PPARG: variants seen among roughly 807,000 people sequenced by gnomAD.
PPARG encodes the protein peroxisome proliferator-activated receptor gamma.
Under a neutral mutation model 39.2 loss-of-function variants are expected in PPARG, and 17 were observed. The ratio of observed to expected loss-of-function variants is 0.43; its 90% confidence interval spans 0.30 to 0.65. The LOEUF is 0.65. PPARG is among the 30% of genes least tolerant of loss of function. The pLI is 0.13. For missense variants in PPARG, 406 were observed against 585.9 expected (o/e 0.69, Z 3.17); for synonymous variants, 223 against 215.7 (o/e 1.03, Z -0.30).
intron 4 of PPARG, among the ~76,000 whole-genome samples, chr3:12,387,165 T>C (rs1055631847): frequency 2.0e-5 from 3 of 152,238 alleles, no homozygotes; most frequent in Non-Finnish European, 2.9e-5. Context: ...TTGTGAATAG[T>C]GCCATAATAA....
At chr3:12,392,547 C>T (rs541678175) in intron 4 of PPARG, 67 bp from the exon 5 acceptor site, 25 of 1,567,408 alleles carry the variant, frequency 1.6e-5, no homozygotes, top group Admixed American at 8.4e-5. Flanking sequence ...GTATACCTTT[C>T]GCTGTAGGTT....
intron 2 of PPARG, among the ~76,000 whole-genome samples, chr3:12,338,795 A>G (rs532506122): frequency 6.6e-6 from 1 of 152,164 alleles, no homozygotes; most frequent in South Asian, 2.1e-4. Context: ...AATCATTTAC[A>G]TATTAAAAGT....
At chr3:12,360,012 T>G (rs968116114) in intron 2 of PPARG, among the ~76,000 whole-genome samples, 7 of 152,110 alleles carry the variant, frequency 4.6e-5, no homozygotes, top group African/African-American at 1.7e-4. Context: ...CTTTGAATTT[T>G]TACTTCCGCC....
chr3:12,387,587 G>GT (rs1322022478), intron 4 of PPARG, among the ~76,000 whole-genome samples: 1 of 152,020 alleles, frequency 6.6e-6, no homozygotes, highest in Admixed American at 6.5e-5. Context: ...TTGTAAATTT[G>GT]TTTAAGTTCT....
chr3:12,380,559 C>T (rs2049610990), intron 3 of PPARG, among the ~76,000 whole-genome samples: 1 of 152,124 alleles, frequency 6.6e-6, no homozygotes, highest in South Asian at 2.1e-4. Flanking sequence ...CATGTGTGGG[C>T]TGACATGCTG....
At chr3:12,325,053 G>A (rs1380010446) in intron 2 of PPARG, among the ~76,000 whole-genome samples, 2 of 152,168 alleles carry the variant, frequency 1.3e-5, no homozygotes, top group African/African-American at 4.8e-5. Context: ...TTGGGAGGCT[G>A]AGGCGGGCGG....
At chr3:12,404,946 A>C (rs1315993171) in intron 5 of PPARG, among the ~76,000 whole-genome samples, 1 of 152,222 alleles carries the variant, frequency 6.6e-6, no homozygotes, top group East Asian at 1.9e-4. Context: ...ATAAAAACGC[A>C]TGGCTGTGAT....
At chr3:12,426,081 T>C (rs2051434936) in intron 7 of PPARG, among the ~76,000 whole-genome samples, 1 of 152,174 alleles carries the variant, frequency 6.6e-6, no homozygotes, top group Non-Finnish European at 1.5e-5. Flanking sequence ...ATGAGGCAAG[T>C]TGAGATGTAA....
intron 1 of PPARG, among the ~76,000 whole-genome samples, chr3:12,302,328 G>A (rs1396547587): frequency 1.3e-5 from 2 of 152,180 alleles, no homozygotes; most frequent in East Asian, 3.8e-4. Flanking sequence ...GAGATAGGAA[G>A]CAGATGAGTT....
At chr3:12,323,671 T>C (rs372462740) in intron 2 of PPARG, among the ~76,000 whole-genome samples, 21 of 152,094 alleles carry the variant, frequency 1.4e-4, no homozygotes, top group African/African-American at 5.1e-4. Context: ...TTAATCTGGA[T>C]TTAAACTGAG....
intron 6 of PPARG, among the ~76,000 whole-genome samples, chr3:12,411,788 C>T (rs1452241301): frequency 7.3e-6 from 1 of 137,358 alleles, no homozygotes; most frequent in African/African-American, 2.5e-5. Flanking sequence ...GGGGCAGAAA[C>T]CAACGAGAGG....
chr3:12,421,970 T>C (rs1356123163), intron 7 of PPARG, among the ~76,000 whole-genome samples: 4 of 152,228 alleles, frequency 2.6e-5, no homozygotes, highest in Admixed American at 6.5e-5. Context: ...ATTGTTCTCA[T>C]TGCTATGCAT....
In PPARG at chr3:12,432,111, A is replaced by G. The variant is rs117067502; in HGVS notation, c.1181-1787A>G. On this transcript the variant is annotated intron_variant, in intron 7 of 7. Transcript: ENST00000651735. ...AATTAAAGATAGTGATAGATTTATCACCAAGCTCAGATGGTTCTGCAAACA... is the reference window on the plus strand; with the variant it reads ...AATTAAAGATAGTGATAGATTTATCGCCAAGCTCAGATGGTTCTGCAAACA... 4.9e-4 allele frequency among the ~76,000 whole-genome samples: 74 copies of G among 152,336 alleles called. No homozygotes were observed. The East Asian group carries it at 0.013, about 26-fold the overall frequency.
intron 4 of PPARG, 143 bp downstream of exon 4, chr3:12,381,634 G>A (rs1210791385): frequency 1.2e-6 from 1 of 831,510 alleles, no homozygotes; most frequent in East Asian, 2.7e-5. Flanking sequence ...CCAGAGTGCA[G>A]TGGTGCTATC....
At chr3:12,312,498 C>T (rs892015042) in intron 2 of PPARG, 45 bp downstream of exon 2, 4 of 152,088 alleles carry the variant, frequency 2.6e-5, no homozygotes, top group Non-Finnish European at 4.4e-5. Context: ...TGAAAAGTAT[C>T]CCTTTTAAAG....
chr3:12,419,916 T>C (rs1250347170), intron 7 of PPARG, among the ~76,000 whole-genome samples: 17 of 152,264 alleles, frequency 1.1e-4, no homozygotes. Context: ...CATTACATAC[T>C]CTTTGTTAAT....
At chr3:12,410,325 A>ACT (rs1168312973) in intron 6 of PPARG, among the ~76,000 whole-genome samples, 1 of 152,222 alleles carries the variant, frequency 6.6e-6, no homozygotes, top group Non-Finnish European at 1.5e-5. Context: ...GGAAGTGCCC[A>ACT]GTGTTTGACT....
chr3:12,323,227 G>C (rs781414720), intron 2 of PPARG, among the ~76,000 whole-genome samples: 1 of 152,182 alleles, frequency 6.6e-6, no homozygotes, highest in African/African-American at 2.4e-5. Flanking sequence ...AAAGAAATTG[G>C]GAAGAGAGAC....
At chr3:12,355,844 T>C (rs921813969) in intron 2 of PPARG, among the ~76,000 whole-genome samples, 2 of 152,238 alleles carry the variant, frequency 1.3e-5, no homozygotes, top group African/African-American at 2.4e-5. Flanking sequence ...AGTATAAAAA[T>C]TGGTTATTAA....
Sources: gnomAD v4.1 joint callset for allele counts (sites outside exome capture counted in the v4.1 genomes callset) on GRCh38, gnomAD v4.1.1 for gene constraint, MANE v1.5 for transcripts, NCBI Gene and HGNC (gene_info 2026-07-23, HGNC 2026-07-21) for gene names.